SENP1: variants seen among roughly 807,000 people sequenced by gnomAD.
SENP1 encodes the protein SUMO specific peptidase 1.
In SENP1, 21 loss-of-function variants were observed where a neutral mutation model predicts 93.0. That is an observed-to-expected ratio of 0.23 (90% CI 0.16 to 0.33). The LOEUF (loss-of-function observed/expected upper bound fraction) is 0.33, where lower values mean the gene tolerates loss of function less well. SENP1 is among the 10% of genes least tolerant of loss of function. The pLI, the probability that SENP1 is intolerant of heterozygous loss-of-function variation, is 1.00. For synonymous variants in SENP1, 256 were observed against 259.6 expected (o/e 0.99, Z 0.13); for missense variants, 591 against 758.7 (o/e 0.78, Z 2.60).
intron 4 of SENP1, among the ~76,000 whole-genome samples, chr12:48,092,309 A>G (rs1258008412): frequency 6.6e-6 from 1 of 152,210 alleles, no homozygotes; most frequent in Non-Finnish European, 1.5e-5. Flanking sequence ...GACCACTGCA[A>G]TCGATGTGGG....
At chr12:48,065,972 G>A (rs1943269795) in intron 10 of SENP1, among the ~76,000 whole-genome samples, 2 of 152,100 alleles carry the variant, frequency 1.3e-5, no homozygotes, top group African/African-American at 2.4e-5. Context: ...CAAAGTGCTA[G>A]GATTACAGAT....
In SENP1 at chr12:48,045,262, G is replaced by C; in HGVS notation, c.*60C>G. The C allele has an allele frequency of 7.0e-7, 1 of 1,426,190 alleles. No homozygotes were observed. The highest frequency in any genetic ancestry group is 1.2e-5 in the South Asian group (1 of 85,778). The allele number at this position is 1,426,190 out of a possible 1,614,324, so 88.3% of individuals were successfully genotyped here. Reference sequence around the variant, plus strand: ...GGAGCAGCTGTTTCCAAGGTCTCTGGCTGTAGACAACAAAGAGCTGGTCCC... The same window carrying C: ...GGAGCAGCTGTTTCCAAGGTCTCTGCCTGTAGACAACAAAGAGCTGGTCCC... On this transcript the variant is annotated 3_prime_UTR_variant, in exon 18 of 18. Coordinates refer to ENST00000549518, the MANE Select transcript of SENP1 (RefSeq NM_001267594.2).
intron 5 of SENP1, 125 bp downstream of exon 5, chr12:48,088,676 T>C: frequency 1.1e-6 from 1 of 876,200 alleles, no homozygotes; most frequent in Non-Finnish European, 1.8e-6. Context: ...GTTCATATCC[T>C]TAAGGTTTAA....
At chr12:48,097,131 G>A (rs141746086) in intron 3 of SENP1, among the ~76,000 whole-genome samples, 2 of 152,274 alleles carry the variant, frequency 1.3e-5, no homozygotes, top group East Asian at 1.9e-4. Context: ...ATGTTCACTA[G>A]AAGGTAAATA....
Position 48,065,067 on chromosome 12 carries a change from C to T in SENP1, c.1273G>A (p.Glu425Lys). 1.3e-6 allele frequency: 2 copies of T among 1,582,838 alleles called. No individual in the cohort carries two copies. Among genetic ancestry groups the T allele is most frequent in the South Asian group, 2.2e-5 (2 of 90,280 alleles). The change falls in exon 12 of 18, where the codon GAG (glutamate) becomes AAG (lysine). Residue 425 changes from glutamate to lysine, a missense_variant and splice_region_variant. Glu to Lys is a moderately conservative substitution (Grantham distance 56). Coordinates refer to ENST00000549518, the MANE Select transcript of SENP1 (RefSeq NM_001267594.2). ...DSEDEFPEIT[E>K]EMEKEIKNVF... The stretch of plus-strand genomic sequence containing the variant: ...GAAATTAAGTGTATGTAACTTACCT[C>T]TGTAATTTCAGGAAATTCATCTTCA...
Position 48,057,006 on chromosome 12 carries a change from A to G in SENP1, c.1407+6704T>C, listed in dbSNP as rs1477866454. 4.4e-5 allele frequency among the ~76,000 whole-genome samples: 2 copies of G among 44,952 alleles called. 1 individual carries two copies. The highest frequency in any genetic ancestry group is 6.1e-5 in the Non-Finnish European group (2 of 32,862). 29.5% of individuals were successfully genotyped at this position (44,952 alleles called of 152,430 possible). On this transcript the variant is annotated intron_variant, in intron 13 of 17. Coordinates refer to ENST00000549518, the MANE Select transcript of SENP1 (RefSeq NM_001267594.2). ...CATATATAAATATATTATTTAATATATTACATATTACATATATAAATATAT... is the reference window on the plus strand; with the variant it reads ...CATATATAAATATATTATTTAATATGTTACATATTACATATATAAATATAT...
Position 48,050,389 on chromosome 12 carries a change from AGATGAG to A in SENP1, c.1408-1263_1408-1258del, listed in dbSNP as rs1348938655. ...GGTCTAGACCAGAGAAAGGGCCTAT[AGATGAG>A]GATGCCTAGGCAGCTGCGGGAAAAC... On this transcript the variant is annotated intron_variant, in intron 13 of 17. Coordinates refer to ENST00000549518, the MANE Select transcript of SENP1 (RefSeq NM_001267594.2). 1.1e-4 allele frequency among the ~76,000 whole-genome samples: 16 copies of A among 152,346 alleles called. No homozygotes were observed. The East Asian group carries it at 3.1e-3, about 29-fold the overall frequency.
chr12:48,074,680 T>G lies in SENP1; in HGVS notation c.656+10A>C. 1 of 1,611,068 alleles carries G rather than the reference T, an allele frequency of 6.2e-7. No individual in the cohort carries two copies. The highest frequency in any genetic ancestry group is 8.5e-7 in the Non-Finnish European group (1 of 1,177,652). ...ATTAAATTCATCTGAAATATGCTTC[T>G]GTGACTCACAGGTGTAAAGGAAAAT... On this transcript the variant is annotated intron_variant, in intron 7 of 17. Transcript: ENST00000549518.
At chr12:48,094,701 T>C (rs1945439898) in intron 4 of SENP1, among the ~76,000 whole-genome samples, 1 of 151,790 alleles carries the variant, frequency 6.6e-6, no homozygotes, top group Non-Finnish European at 1.5e-5. Flanking sequence ...ATAATAATAA[T>C]TAAAAATAAA....
At chr12:48,082,531 A>G (rs1944559457) in intron 6 of SENP1, among the ~76,000 whole-genome samples, 3 of 151,762 alleles carry the variant, frequency 2.0e-5, no homozygotes, top group Non-Finnish European at 4.4e-5. Flanking sequence ...ATTAAAAACA[A>G]TAATACACGT....
rs754031932 is a variant in SENP1 at position 48,065,111 on chromosome 12, C to T, written c.1229G>A (p.Gly410Asp). The T allele has an allele frequency of 1.2e-5, 19 of 1,608,888 alleles. No individual in the cohort carries two copies. The highest frequency in any genetic ancestry group is 1.6e-5 in the Non-Finnish European group (19 of 1,175,426). Reference protein sequence around the residue: ...VTVVQETQKKGHKLTDSEDEF... With the variant: ...VTVVQETQKKDHKLTDSEDEF... ...ATCTTCACTATCAGTTAATTTATGA[C>T]CTTTTTTTTGTGTTTCTTGGACAAC... The change falls in exon 12 of 18, where the codon GGT (glycine) becomes GAT (aspartate). Residue 410 changes from glycine (G) to aspartate (D), a missense_variant. Coordinates refer to ENST00000549518, the MANE Select transcript of SENP1 (RefSeq NM_001267594.2).
Position 48,045,251 on chromosome 12 carries a change from C to T in SENP1, c.*71G>A, listed in dbSNP as rs1439288141. 2 of 1,349,760 alleles carry T rather than the reference C, an allele frequency of 1.5e-6. No individual in the cohort carries two copies. The highest frequency in any genetic ancestry group is 2.1e-6 in the Non-Finnish European group (2 of 945,896). The allele number at this position is 1,349,760 out of a possible 1,614,324, so 83.6% of individuals were successfully genotyped here. A position where few individuals can be genotyped will look rare whatever the true frequency, so the allele number is the denominator to read the frequency against. On this transcript the variant is annotated 3_prime_UTR_variant, in exon 18 of 18. Coordinates refer to ENST00000549518, the MANE Select transcript of SENP1 (RefSeq NM_001267594.2). ...GCAGAGGGCTGGGAGCAGCTGTTTCCAAGGTCTCTGGCTGTAGACAACAAA... is the reference window on the plus strand; with the variant it reads ...GCAGAGGGCTGGGAGCAGCTGTTTCTAAGGTCTCTGGCTGTAGACAACAAA...
Position 48,074,319 on chromosome 12 carries a change from T to C in SENP1, c.940+5A>G, listed in dbSNP as rs752161968. On this transcript the variant is annotated splice_donor_5th_base_variant and intron_variant, in intron 8 of 17. Transcript: ENST00000549518. ...AAAAATGTAGTTATATGATACCATG[T>C]TTACCTTCAGATTGTGTATTTGAAG... is the stretch of plus-strand genomic sequence containing the variant. 9 of 1,606,820 alleles carry C rather than the reference T, an allele frequency of 5.6e-6. No homozygotes were observed. In the Admixed American group the frequency reaches 1.3e-4, roughly 24 times the overall value.
At position 48,085,190 on chromosome 12, in the gene SENP1, G is replaced by A. The variant is rs1454245659; in HGVS notation, c.381-1428C>T. ...ATTTCCTGGTGGTGGAGAAGGATAC[G>A]ACCATCAATGAGATCGAAGACACTT... On this transcript the variant is annotated intron_variant, in intron 5 of 17. Coordinates refer to ENST00000549518, the MANE Select transcript of SENP1 (RefSeq NM_001267594.2). 2.9e-5 allele frequency: 42 copies of A among 1,472,272 alleles called. No individual in the cohort carries two copies. In the South Asian group the frequency reaches 3.2e-4, roughly 11 times the overall value. The allele number at this position is 1,472,272 out of a possible 1,614,324, so 91.2% of individuals were successfully genotyped here. A position where few individuals can be genotyped will look rare whatever the true frequency, so the allele number is the denominator to read the frequency against.
intron 6 of SENP1, among the ~76,000 whole-genome samples, chr12:48,076,853 G>A (rs1322797247): frequency 1.3e-5 from 2 of 151,270 alleles, no homozygotes; most frequent in African/African-American, 2.4e-5. Flanking sequence ...CACCATGTTG[G>A]CCACAATGGT....
In SENP1 at chr12:48,053,344, G is replaced by A. The variant is rs142375944; in HGVS notation, c.1408-4212C>T. On this transcript the variant is annotated intron_variant, in intron 13 of 17. Coordinates refer to ENST00000549518, the MANE Select transcript of SENP1 (RefSeq NM_001267594.2). ...AACCAACAAAAAAGCCAGGCATGGTGGCACATTCCTGTGGTCCCAGCTCCT... is the reference window on the plus strand; with the variant it reads ...AACCAACAAAAAAGCCAGGCATGGTAGCACATTCCTGTGGTCCCAGCTCCT... Among the ~76,000 whole-genome samples the A allele has an allele frequency of 8.6e-4, 131 of 152,032 alleles. 1 individual carries two copies. The highest frequency in any genetic ancestry group is 3.1e-3 in the African/African-American group (127 of 41,468).
intron 2 of SENP1, among the ~76,000 whole-genome samples, chr12:48,100,418 G>A (rs1035902194): frequency 6.6e-6 from 1 of 152,162 alleles, no homozygotes; most frequent in Non-Finnish European, 1.5e-5. Flanking sequence ...ATCACGTGAG[G>A]TCAGGAGTTC....
At chr12:48,073,003 A>G (rs896092863) in intron 8 of SENP1, among the ~76,000 whole-genome samples, 4 of 152,064 alleles carry the variant, frequency 2.6e-5, no homozygotes, top group African/African-American at 4.8e-5. Flanking sequence ...AAACTGGAAG[A>G]AGGAGGGAAG....
chr12:48,093,719 T>A (rs1328966695), intron 4 of SENP1, among the ~76,000 whole-genome samples: 15 of 135,790 alleles, frequency 1.1e-4, no homozygotes, highest in East Asian at 4.1e-4. Flanking sequence ...CAGAAAATGA[T>A]AAAAAAAAAA....
Sources: gnomAD v4.1 joint callset for allele counts (sites outside exome capture counted in the v4.1 genomes callset) on GRCh38, gnomAD v4.1.1 for gene constraint, MANE v1.5 for transcripts, NCBI Gene and HGNC (gene_info 2026-07-23, HGNC 2026-07-21) for gene names.